Variants in RAI1 observed in about 807,000 individuals in gnomAD.
RAI1 encodes retinoic acid-induced protein 1.
A neutral mutation model predicts 123.8 loss-of-function variants in RAI1; 9 were observed. The ratio of observed to expected loss-of-function variants is 0.07; its 90% CI spans 0.04 to 0.13. RAI1 has a LOEUF of 0.13. RAI1 is among the 10% of genes least tolerant of loss of function. The pLI, the probability that RAI1 is intolerant of heterozygous loss-of-function variation, is 1.00. For missense variants in RAI1, 2,256 were observed against 2,545.8 expected (o/e 0.89, Z 2.45); for synonymous variants, 1,231 against 1,127.3 (o/e 1.09, Z -1.84).
chr17:17,716,910 G>A (rs376557247), intron 1 of RAI1, among the ~76,000 whole-genome samples: 1 of 152,210 alleles, frequency 6.6e-6, no homozygotes, highest in Non-Finnish European at 1.5e-5. Context: ...TGGGTGGCCT[G>A]GTGGAATGTG....
At chr17:17,722,814 G>A (rs1352208641) in intron 1 of RAI1, among the ~76,000 whole-genome samples, 1 of 147,108 alleles carries the variant, frequency 6.8e-6, no homozygotes, top group African/African-American at 2.7e-5. Context: ...GGGGAGGCGC[G>A]CGATGAAGGC....
chr17:17,746,397 G>C (rs974564466), intron 2 of RAI1, among the ~76,000 whole-genome samples: 1 of 152,200 alleles, frequency 6.6e-6, no homozygotes, highest in Non-Finnish European at 1.5e-5. Flanking sequence ...GGACTGGGTC[G>C]GTCTGGCTCT....
intron 2 of RAI1, among the ~76,000 whole-genome samples, chr17:17,780,130 A>G (rs1262579571): frequency 1.4e-5 from 2 of 145,530 alleles, no homozygotes; most frequent in Non-Finnish European, 1.5e-5. Flanking sequence ...CAATGGCGCA[A>G]TCTTGGCTCA....
Position 17,793,628 on chromosome 17 carries a change from A to T in RAI1, c.680A>T (p.Gln227Leu). The T allele has an allele frequency of 6.2e-7, 1 of 1,613,272 alleles. No individual in the cohort carries two copies. The change falls in exon 3 of 6, where the codon CAG becomes CTG. Residue 227 changes from glutamine (Q) to leucine (L), a missense_variant. Around this residue, in one of 7 missense-constraint regions of RAI1, gnomAD observed 336 missense variants for 349.8 expected, o/e 0.96. Transcript: ENST00000353383. ...TCCTCCACCTACTCCTCCTCTGTCC[A>T]GGGTGGTGGGCAGGGGGCCCACTCC... ...PTSSTYSSSV[Q>L]GGGQGAHSYK...
chr17:17,706,244 T>G (rs1450209350), intron 1 of RAI1, among the ~76,000 whole-genome samples: 2 of 151,882 alleles, frequency 1.3e-5, no homozygotes, highest in Middle Eastern at 3.4e-3. Flanking sequence ...GGGGAGTGGG[T>G]CTGCTGGAGA....
At chr17:17,718,531 G>A (rs1259521982) in intron 1 of RAI1, among the ~76,000 whole-genome samples, 1 of 152,162 alleles carries the variant, frequency 6.6e-6, no homozygotes, top group African/African-American at 2.4e-5. Context: ...AGCCCCATGT[G>A]GGCAGGGATG....
intron 4 of RAI1, among the ~76,000 whole-genome samples, chr17:17,807,162 G>A (rs1048356942): frequency 1.3e-5 from 2 of 151,146 alleles, no homozygotes; most frequent in African/African-American, 4.9e-5. Flanking sequence ...AGGCGAGGGA[G>A]AACAAGTGAG....
chr17:17,720,654 G>T (rs188198241), intron 1 of RAI1, among the ~76,000 whole-genome samples: 20 of 152,348 alleles, frequency 1.3e-4, no homozygotes, highest in South Asian at 1.0e-3. Context: ...GGTGAGCAAA[G>T]AATCTTGAAA....
chr17:17,763,275 C>T (rs1297948469), intron 2 of RAI1, among the ~76,000 whole-genome samples: 1 of 152,148 alleles, frequency 6.6e-6, no homozygotes, highest in Non-Finnish European at 1.5e-5. Flanking sequence ...AGAGATCCAC[C>T]CAGTGACCAC....
intron 2 of RAI1, among the ~76,000 whole-genome samples, chr17:17,784,106 G>T (rs1292797990): frequency 6.6e-6 from 1 of 152,086 alleles, no homozygotes; most frequent in African/African-American, 2.4e-5. Flanking sequence ...TTTAAACGCC[G>T]CCGTCTCACA....
intron 1 of RAI1, among the ~76,000 whole-genome samples, chr17:17,709,252 GCAGAGC>G (rs1208790224): frequency 6.6e-6 from 1 of 152,212 alleles, no homozygotes; most frequent in Non-Finnish European, 1.5e-5. Context: ...CCTAGGGAGA[GCAGAGC>G]TGGAGCTGGC....
chr17:17,803,821 C>G lies in RAI1; in HGVS notation c.5631C>G (p.Thr1877=). ...IGCCHKGCLH[T]YHYPCASDAG... is the part of the protein sequence containing the mutation. ...GCTGCCACAAAGGATGCCTCCACAC[C>G]TACCACTACCCGTGTGCCAGCGATG... The change falls in exon 4 of 6, where the codon ACC becomes ACG. Residue 1877 remains threonine, a synonymous_variant. Transcript: ENST00000353383. 4 of 1,613,528 alleles carry G rather than the reference C, an allele frequency of 2.5e-6. No individual in the cohort carries two copies. Among genetic ancestry groups the G allele is most frequent in the East Asian group, 4.5e-5 (2 of 44,876 alleles).
chr17:17,802,226 G>A (rs552057475), intron 3 of RAI1: 6 of 464,228 alleles, frequency 1.3e-5, no homozygotes, highest in East Asian at 7.0e-5. Flanking sequence ...AGAGGAGGAC[G>A]GCATCAGATT....
At chr17:17,707,179 G>A (rs1915419848) in intron 1 of RAI1, among the ~76,000 whole-genome samples, 1 of 152,178 alleles carries the variant, frequency 6.6e-6, no homozygotes, top group African/African-American at 2.4e-5. Context: ...GCATGGTGGT[G>A]TGTACCTGTA....
At chr17:17,682,899 A>G (rs1009113111) in intron 1 of RAI1, among the ~76,000 whole-genome samples, 1 of 151,672 alleles carries the variant, frequency 6.6e-6, no homozygotes, top group Non-Finnish European at 1.5e-5. Flanking sequence ...GAGTGTAACA[A>G]TGCGCCGGTG....
rs1295734344 is a variant in RAI1, at chr17:17,810,745, A to C, written c.*764A>C. ...TGTCCCCTTTCCAGTCCTCCACCCC[A>C]CCCCTGGAGCCCAGCCTGGGAGCGC... On this transcript the variant is annotated 3_prime_UTR_variant, in exon 6 of 6. Coordinates refer to ENST00000353383, the MANE Select transcript of RAI1 (RefSeq NM_030665.4). The surrounding 1 kb of genome is among the most constrained non-coding windows in gnomAD (Gnocchi z 4.6). 4 of 445,476 alleles carry C rather than the reference A, an allele frequency of 9.0e-6. No homozygotes were observed. The highest frequency in any genetic ancestry group is 8.1e-5 in the African/African-American group (4 of 49,524). The allele number at this position is 445,476 out of a possible 1,614,324, so 27.6% of individuals were successfully genotyped here.
Position 17,795,017 on chromosome 17 carries a change from C to A in RAI1, c.2069C>A (p.Pro690His), listed in dbSNP as rs573550712. The change falls in exon 3 of 6, where the codon CCT (proline) becomes CAT (histidine). Residue 690 changes from proline to histidine, a missense_variant. By Grantham distance (77) the Pro-to-His change is moderately conservative. Transcript: ENST00000353383. This position sits in a 1 kb window ranked among gnomAD's most constrained non-coding sequence, Gnocchi z 5.9. ...TTCAGCCCAGGGCTGTTTGAAGACCCTTCCGTGGCCTTCGCTACGCCTGAC... is the reference window on the plus strand; with the variant it reads ...TTCAGCCCAGGGCTGTTTGAAGACCATTCCGTGGCCTTCGCTACGCCTGAC... Reference protein sequence around the residue: ...KDFSPGLFEDPSVAFATPDPK... With the variant: ...KDFSPGLFEDHSVAFATPDPK... 6.2e-7 allele frequency: 1 copy of A among 1,614,118 alleles called. No homozygotes were observed. The highest frequency in any genetic ancestry group is 1.7e-5 in the Admixed American group (1 of 60,030).
intron 2 of RAI1, among the ~76,000 whole-genome samples, chr17:17,731,436 G>T (rs933268382): frequency 6.6e-6 from 1 of 152,206 alleles, no homozygotes; most frequent in Non-Finnish European, 1.5e-5. Context: ...GTGGCGAGCA[G>T]GTGGGATTGG....
At chr17:17,792,203 G>A (rs995252903) in intron 2 of RAI1, among the ~76,000 whole-genome samples, 2 of 152,244 alleles carry the variant, frequency 1.3e-5, no homozygotes, top group Admixed American at 1.3e-4. Context: ...GGAGTCAGAG[G>A]AGGGGACATT....
Sources: allele counts gnomAD v4.1 joint callset (sites outside exome capture counted in the v4.1 genomes callset), GRCh38; gene constraint gnomAD v4.1.1; regional missense constraint gnomAD v4.1.1; non-coding constraint Gnocchi (gnomAD v3.1); transcripts MANE v1.5; gene names NCBI Gene and HGNC (gene_info 2026-07-23, HGNC 2026-07-21).